KAZN: variants seen among roughly 807,000 people sequenced by gnomAD.
KAZN encodes the protein kazrin.
KAZN carries 40 observed loss-of-function variants against 87.4 expected under a neutral mutation model. That is an observed-to-expected ratio of 0.46 (90% CI 0.36 to 0.60). The LOEUF (loss-of-function observed/expected upper bound fraction) is 0.60. Ranked by LOEUF, KAZN falls within the 20% of genes least tolerant of loss-of-function variation. The pLI is 0.00. For missense variants in KAZN, 898 were observed against 1,073.9 expected (o/e 0.84, Z 2.29); for synonymous variants, 466 against 458.3 (o/e 1.02, Z -0.22).
chr1:15,063,471 T>C (rs1638966144), intron 6 of KAZN, 101 bp from the exon 7 acceptor site: 1 of 988,002 alleles, frequency 1.0e-6, no homozygotes, highest in Admixed American at 1.7e-5. Flanking sequence ...CCCTGAGAGA[T>C]GGCATCCTTC....
At chr1:14,855,022 G>A (rs964841953) in intron 1 of KAZN, among the ~76,000 whole-genome samples, 1 of 152,108 alleles carries the variant, frequency 6.6e-6, no homozygotes. Flanking sequence ...ACACACAGGT[G>A]CAATTATTCC....
intron 1 of KAZN, among the ~76,000 whole-genome samples, chr1:14,099,467 T>C (rs1257768193): frequency 6.6e-6 from 1 of 152,168 alleles, no homozygotes; most frequent in Non-Finnish European, 1.5e-5. Context: ...GGCAAGTTCA[T>C]TGAACTCCTC....
At position 15,056,384 on chromosome 1, in the gene KAZN, T is replaced by C; in HGVS notation, c.916+104T>C. ...GCTGCTTTGTTCGTACTACAGCAGC[T>C]TGGGGGCGTGGGACAGAGACCTTGG... is the stretch of plus-strand genomic sequence containing the variant. On this transcript the variant is annotated intron_variant, in intron 5 of 14. Coordinates refer to ENST00000376030, the MANE Select transcript of KAZN (RefSeq NM_201628.3). This position sits in a 1 kb window ranked among gnomAD's most constrained non-coding sequence, Gnocchi z 5.4. 1 of 1,208,170 alleles carries C rather than the reference T, an allele frequency of 8.3e-7. No homozygotes were observed. 74.8% of individuals were successfully genotyped at this position (1,208,170 alleles called of 1,614,324 possible). A position where few individuals can be genotyped will look rare whatever the true frequency, so the allele number is the denominator to read the frequency against.
At chr1:14,147,152 G>A (rs1241370825) in intron 1 of KAZN, among the ~76,000 whole-genome samples, 4 of 152,072 alleles carry the variant, frequency 2.6e-5, no homozygotes, top group African/African-American at 7.2e-5. Flanking sequence ...CACAAAATAT[G>A]TGTTAATAGA....
intron 2 of KAZN, among the ~76,000 whole-genome samples, chr1:14,420,696 G>A (rs1173179669): frequency 6.6e-6 from 1 of 152,184 alleles, no homozygotes; most frequent in African/African-American, 2.4e-5. Context: ...AGCGCCTGCA[G>A]GCCGTCTCTG....
chr1:14,160,063 A>G (rs1645677027), intron 1 of KAZN, among the ~76,000 whole-genome samples: 2 of 152,138 alleles, frequency 1.3e-5, no homozygotes, highest in Non-Finnish European at 1.5e-5. Flanking sequence ...TAAGAAATGG[A>G]TGATGCCTGC....
At chr1:14,209,958 T>A (rs1646819461) in intron 2 of KAZN, among the ~76,000 whole-genome samples, 1 of 152,312 alleles carries the variant, frequency 6.6e-6, no homozygotes, top group Admixed American at 6.5e-5. Context: ...TATGTCTCCC[T>A]CTGATGTAGC....
rs541134013 is a variant in KAZN, at chr1:14,720,959, C to A, written c.226+121736C>A. On this transcript the variant is annotated intron_variant, in intron 1 of 14. Transcript: ENST00000376030. ...CTCCAGCCTGTTTGCCATCAGGTGA[C>A]CTGATGACCAGTTCTGGCTTGGCCC... 2.4e-4 allele frequency among the ~76,000 whole-genome samples: 36 copies of A among 152,286 alleles called. No homozygotes were observed. In the South Asian group the frequency reaches 7.5e-3, roughly 32 times the overall value.
At chr1:13,912,771 T>C (rs12753086) in intron 1 of KAZN, among the ~76,000 whole-genome samples, 1 of 152,050 alleles carries the variant, frequency 6.6e-6, no homozygotes, top group Non-Finnish European at 1.5e-5. Context: ...ACCTGGCTAA[T>C]TTTTTGCAGA....
chr1:14,134,967 C>CCG (rs746983782), intron 1 of KAZN, among the ~76,000 whole-genome samples: 4 of 56,422 alleles, frequency 7.1e-5, no homozygotes, highest in African/African-American at 1.6e-4. Flanking sequence ...GCATATGCAC[C>CCG]CGCACACACA....
intron 2 of KAZN, among the ~76,000 whole-genome samples, chr1:15,007,687 G>T (rs919362005): frequency 6.6e-6 from 1 of 152,116 alleles, no homozygotes; most frequent in South Asian, 2.1e-4. Context: ...TCACCTGCCC[G>T]CCTCCATAAC....
chr1:14,997,704 G>A, intron 2 of KAZN, among the ~76,000 whole-genome samples: 1 of 137,466 alleles, frequency 7.3e-6, no homozygotes, highest in African/African-American at 2.5e-5. Context: ...GCCCCCTGAG[G>A]GTGGAGGAGC....
At chr1:14,226,326 A>G (rs1005645032) in intron 2 of KAZN, among the ~76,000 whole-genome samples, 5 of 152,182 alleles carry the variant, frequency 3.3e-5, no homozygotes. Context: ...ATCACTAATC[A>G]TTAGAGAAAT....
chr1:14,063,838 C>T (rs528534639), intron 1 of KAZN, among the ~76,000 whole-genome samples: 84 of 152,264 alleles, frequency 5.5e-4, no homozygotes, highest in Non-Finnish European at 9.6e-4. Flanking sequence ...GGGAGTTCCG[C>T]GGCATAGGCT....
At chr1:14,515,537 G>GCC (rs1226481541) in intron 2 of KAZN, among the ~76,000 whole-genome samples, 10 of 152,124 alleles carry the variant, frequency 6.6e-5, no homozygotes, top group African/African-American at 2.4e-4. Flanking sequence ...GCTGGCTTCT[G>GCC]CCTCCCCTCC....
intron 8 of KAZN, chr1:15,067,640 G>A (rs1639309177): frequency 2.0e-6 from 2 of 985,258 alleles, no homozygotes; most frequent in Admixed American, 6.2e-5. Flanking sequence ...CTATCAGAAG[G>A]CATAGGACAT....
At chr1:14,633,003 G>A (rs1361588439) in intron 1 of KAZN, among the ~76,000 whole-genome samples, 12 of 151,844 alleles carry the variant, frequency 7.9e-5, no homozygotes, top group Admixed American at 1.3e-4. Flanking sequence ...TGCAACTTCC[G>A]CCTCCCAGAT....
chr1:14,409,964 C>T (rs1253005117), intron 2 of KAZN, among the ~76,000 whole-genome samples: 1 of 152,066 alleles, frequency 6.6e-6, no homozygotes, highest in African/African-American at 2.4e-5. Flanking sequence ...ATGGCTTGAA[C>T]AGCAGATTAA....
At chr1:14,543,734 G>A (rs778353441) in intron 2 of KAZN, among the ~76,000 whole-genome samples, 1 of 152,002 alleles carries the variant, frequency 6.6e-6, no homozygotes, top group African/African-American at 2.4e-5. Flanking sequence ...TTGCAGCGTC[G>A]GGTCATTGGA....
Sources: allele counts gnomAD v4.1 joint callset (sites outside exome capture counted in the v4.1 genomes callset), GRCh38; gene constraint gnomAD v4.1.1; non-coding constraint Gnocchi (gnomAD v3.1); transcripts MANE v1.5; gene names NCBI Gene and HGNC (gene_info 2026-07-23, HGNC 2026-07-21).